The following ZNF628 variants were observed in gnomAD, a reference collection of about 807,000 sequenced individuals.
ZNF628 encodes the protein zinc finger protein 628.
Under a neutral mutation model 2.5 loss-of-function variants are expected in ZNF628, and 3 were observed. The ratio of observed to expected loss-of-function variants is 1.19; its 90% confidence interval spans 0.54 to 3.07. The LOEUF (loss-of-function observed/expected upper bound fraction) is 3.07. ZNF628 is among the 30% of genes most tolerant of loss of function. The pLI, the probability that ZNF628 is intolerant of heterozygous loss-of-function variation, is 0.03. For missense variants in ZNF628, 1,610 were observed against 1,517.1 expected, an observed-to-expected ratio of 1.06 and a Z score of -1.02; for synonymous variants, 861 against 717.1, an observed-to-expected ratio of 1.20 and a Z score of -3.21.
chr19:55,481,428 C>G lies in ZNF628; in HGVS notation c.235C>G (p.Leu79Val), dbSNP rs1273558721. ...CAAGGCTTTCAAAGGCTCCTCGGCC[C>G]TGCTCTACCACCAGCGAGGCCACAC... is the stretch of plus-strand genomic sequence containing the variant. ...CPKAFKGSSALLYHQRGHTGE... is the reference protein window; with the variant it reads ...CPKAFKGSSAVLYHQRGHTGE... Residue 79 changes from leucine (L) to valine (V), a missense_variant, in exon 3 of 3, where the codon CTG (leucine) becomes GTG (valine). Coordinates refer to ENST00000598519, the MANE Select transcript of ZNF628 (RefSeq NM_033113.3). 1 of 1,612,830 alleles carries G rather than the reference C, an allele frequency of 6.2e-7. No homozygotes were observed. The highest frequency in any genetic ancestry group is 8.5e-7 in the Non-Finnish European group (1 of 1,179,658).
chr19:55,478,897 G>A (rs773327543), intron 1 of ZNF628, among the ~76,000 whole-genome samples: 1 of 152,216 alleles, frequency 6.6e-6, no homozygotes, highest in East Asian at 1.9e-4. Flanking sequence ...AGTTGGGGGC[G>A]AGGAGCAGAA....
Position 55,483,243 on chromosome 19 carries a change from C to A in ZNF628, c.2050C>A (p.Leu684Ile), listed in dbSNP as rs1353028747. ...ATQDVHVLPH[L>I]QATLSLEVAG... ...CCAAGATGTCCACGTCCTGCCCCAC[C>A]TCCAGGCCACGCTCTCCCTCGAGGT... Residue 684 changes from leucine to isoleucine, a missense_variant, in exon 3 of 3, where the codon CTC (leucine) becomes ATC (isoleucine). Leu to Ile is a conservative substitution (Grantham distance 5). Transcript: ENST00000598519. 6.5e-7 allele frequency: 1 copy of A among 1,534,806 alleles called. No individual in the cohort carries two copies. The highest frequency in any genetic ancestry group is 2.4e-5 in the East Asian group (1 of 40,964).
Position 55,476,812 on chromosome 19 carries a change from G to A in ZNF628, c.-78+5G>A, listed in dbSNP as rs941091336. 6.9e-6 allele frequency: 1 copy of A among 145,784 alleles called. No homozygotes were observed. Among genetic ancestry groups the A allele is most frequent in the Non-Finnish European group, 1.5e-5 (1 of 65,986 alleles). 9.0% of individuals were successfully genotyped at this position (145,784 alleles called of 1,614,324 possible). A position where few individuals can be genotyped will look rare whatever the true frequency, so the allele number is the denominator to read the frequency against. The stretch of plus-strand genomic sequence containing the variant: ...TTCCCCCGATTGGGGCCGCAGGTGA[G>A]AGACCGGAGGGGGTGGGGGTGGGGG... On this transcript the variant is annotated splice_donor_5th_base_variant and intron_variant, in intron 1 of 2. Transcript: ENST00000598519.
chr19:55,484,106 A>G lies in ZNF628; in HGVS notation c.2913A>G (p.Gly971=). ...AGCCGCCTGCCACCGGCCCACCCGG[A>G]CAGAAACTCCTCATCATCCGCAGCG... ...LTEPPATGPP[G]QKLLIIRSAP... is the part of the protein sequence containing the mutation. The change falls in exon 3 of 3, where the codon GGA becomes GGG. Residue 971 remains glycine (G), a synonymous_variant. Transcript: ENST00000598519. The G allele has an allele frequency of 6.3e-7, 1 of 1,593,324 alleles. No individual in the cohort carries two copies.
In ZNF628 at chr19:55,483,820, A is replaced by G. The variant is rs1177891591; in HGVS notation, c.2627A>G (p.Asn876Ser). The G allele has an allele frequency of 1.2e-6, 2 of 1,613,546 alleles. No homozygotes were observed. The highest frequency in any genetic ancestry group is 1.6e-4 in the Middle Eastern group (1 of 6,062). The change falls in exon 3 of 3, where the codon AAT (asparagine) becomes AGT (serine). Residue 876 changes from asparagine to serine, a missense_variant. Physicochemically the swap from Asn to Ser is conservative, Grantham distance 46 (BLOSUM62 1). This residue lies in a region of ZNF628 where 712 missense variants were observed against 603.6 expected (regional missense o/e 1.18). Transcript: ENST00000598519. ...QLQPVAGQLS[N>S]SSGGAVATEA... ...CAGCCCGTGGCCGGCCAGCTCTCCA[A>G]TTCCAGTGGGGGAGCTGTGGCTACT...
In ZNF628 at chr19:55,479,886, G is replaced by A. The variant is rs1041780211; in HGVS notation, c.-25G>A. 2.5e-6 allele frequency: 1 copy of A among 401,542 alleles called. No homozygotes were observed. Among genetic ancestry groups the A allele is most frequent in the Non-Finnish European group, 4.4e-6 (1 of 227,474 alleles). The allele number at this position is 401,542 out of a possible 1,614,324, so 24.9% of individuals were successfully genotyped here. On this transcript the variant is annotated 5_prime_UTR_variant, in exon 2 of 3. Coordinates refer to ENST00000598519, the MANE Select transcript of ZNF628 (RefSeq NM_033113.3). This position sits in a 1 kb window ranked among gnomAD's most constrained non-coding sequence, Gnocchi z 5.1. ...CCAAGAACAGGAGGGGAGAGGAGGG[G>A]CTGGAGGTTTCAGGAGAAAGAAGCA... is the stretch of plus-strand genomic sequence containing the variant.
In ZNF628 at chr19:55,481,255, C is replaced by T. The variant is rs897928581; in HGVS notation, c.62C>T (p.Ala21Val). 3.8e-6 allele frequency: 6 copies of T among 1,583,422 alleles called. No homozygotes were observed. Among genetic ancestry groups the T allele is most frequent in the South Asian group, 1.1e-5 (1 of 88,032 alleles). The change falls in exon 3 of 3, where the codon GCC (alanine) becomes GTC (valine). Residue 21 changes from alanine to valine, a missense_variant. Coordinates refer to ENST00000598519, the MANE Select transcript of ZNF628 (RefSeq NM_033113.3). ...DMAPASTAEG[A>V]GEKPGPAAPA... ...GCGCCGGCCTCTACTGCGGAGGGGG[C>T]CGGGGAGAAGCCAGGCCCTGCGGCC...
intron 2 of ZNF628, 102 bp downstream of exon 2, chr19:55,480,019 A>T: frequency 2.5e-6 from 1 of 397,152 alleles, no homozygotes; most frequent in African/African-American, 2.1e-5. Flanking sequence ...GGAAAGTGAG[A>T]CTGAGGCCAG....
chr19:55,484,202 A>G lies in ZNF628; in HGVS notation c.3009A>G (p.Pro1003=). 1.3e-6 allele frequency: 2 copies of G among 1,544,344 alleles called. No homozygotes were observed. Among genetic ancestry groups the G allele is most frequent in the African/African-American group, 2.7e-5 (2 of 72,856 alleles). The change falls in exon 3 of 3, where the codon CCA becomes CCG. Residue 1003 remains proline, a synonymous_variant. Coordinates refer to ENST00000598519, the MANE Select transcript of ZNF628 (RefSeq NM_033113.3). ...GGTATLQLLA[P]PPSGPASGPA... ...CCGCCACGCTGCAGCTCCTGGCCCC[A>G]CCGCCGTCAGGCCCAGCCTCGGGCC...
rs571273606 is a variant in ZNF628, at chr19:55,481,814, G to C, written c.621G>C (p.Pro207=). 3.4e-4 allele frequency: 545 copies of C among 1,599,470 alleles called. 1 individual carries two copies. The African/African-American group carries it at 5.4e-3, about 16-fold the overall frequency. ...CGGGCGAGCGGCCCTTCCGCTGCCC[G>C]CTCTGCCCCAAGACCTTCACCCACT... ...VHTGERPFRC[P]LCPKTFTHSS... The change falls in exon 3 of 3, where the codon CCG becomes CCC. Residue 207 remains proline, a synonymous_variant. Coordinates refer to ENST00000598519, the MANE Select transcript of ZNF628 (RefSeq NM_033113.3).
intron 1 of ZNF628, among the ~76,000 whole-genome samples, chr19:55,477,701 G>T (rs1191271864): frequency 6.6e-6 from 1 of 151,808 alleles, no homozygotes; most frequent in Non-Finnish European, 1.5e-5. Flanking sequence ...GGCGAAGGTT[G>T]CAGTGAGCCG....
Position 55,482,258 on chromosome 19 carries a change from CT to C in ZNF628, c.1068del (p.Phe356LeufsTer71). ...CTCCCGCCGCCGCCCCCGCGCCTGG[CT>C]TTGCCTGTCTGCCCTGCGGCAAGTC... Reference protein sequence around the residue: ...PPPAAAPAPGFACLPCGKSFR... With the variant: ...PPPAAAPAPGXACLPCGKSFR... On this transcript the variant is annotated frameshift_variant, in exon 3 of 3. Coordinates refer to ENST00000598519, the MANE Select transcript of ZNF628 (RefSeq NM_033113.3). LOFTEE classifies it low-confidence loss of function (END_TRUNC). The C allele has an allele frequency of 6.8e-7, 1 of 1,463,868 alleles. No individual in the cohort carries two copies. Among genetic ancestry groups the C allele is most frequent in the Admixed American group, 2.5e-5 (1 of 40,490 alleles). 90.7% of individuals were successfully genotyped at this position (1,463,868 alleles called of 1,614,324 possible).
chr19:55,484,056 G>A lies in ZNF628; in HGVS notation c.2863G>A (p.Glu955Lys), dbSNP rs1277875059. 6.3e-7 allele frequency: 1 copy of A among 1,594,324 alleles called. No homozygotes were observed. The highest frequency in any genetic ancestry group is 1.7e-5 in the Admixed American group (1 of 57,674). Reference protein sequence around the residue: ...EQTRLCVQEVETLPPGLTEPP... With the variant: ...EQTRLCVQEVKTLPPGLTEPP... ...GACTCGACTCTGCGTACAGGAGGTA[G>A]AAACACTTCCTCCTGGGCTGACGGA... The change falls in exon 3 of 3, where the codon GAA becomes AAA. Residue 955 changes from glutamate to lysine, a missense_variant. Physicochemically the swap from Glu to Lys is moderately conservative, Grantham distance 56. This residue lies in a region of ZNF628 where 712 missense variants were observed against 603.6 expected (regional missense o/e 1.18). Coordinates refer to ENST00000598519, the MANE Select transcript of ZNF628 (RefSeq NM_033113.3).
Position 55,484,035 on chromosome 19 carries a change from C to G in ZNF628, c.2842C>G (p.Arg948Gly). The G allele has an allele frequency of 6.3e-7, 1 of 1,595,490 alleles. No individual in the cohort carries two copies. The highest frequency in any genetic ancestry group is 8.5e-7 in the Non-Finnish European group (1 of 1,171,496). Residue 948 changes from arginine (R) to glycine (G), a missense_variant, in exon 3 of 3, where the codon CGA becomes GGA. Arg to Gly is a moderately radical substitution (Grantham distance 125). This residue lies in a region of ZNF628 where 712 missense variants were observed against 603.6 expected (regional missense o/e 1.18). Transcript: ENST00000598519. Reference sequence around the variant, plus strand: ...GAGCGGGGCCGATGGCGAACAGACTCGACTCTGCGTACAGGAGGTAGAAAC... The same window carrying G: ...GAGCGGGGCCGATGGCGAACAGACTGGACTCTGCGTACAGGAGGTAGAAAC... ...VLSGADGEQT[R>G]LCVQEVETLP...
rs1405106848 is a variant in ZNF628 at position 55,482,897 on chromosome 19, C to T, written c.1704C>T (p.Cys568=). 3.7e-6 allele frequency: 6 copies of T among 1,607,200 alleles called. No homozygotes were observed. The highest frequency in any genetic ancestry group is 5.1e-6 in the Non-Finnish European group (6 of 1,177,356). ...ACACTGGCGAGAGGCCCCACGCCTG[C>T]GGTGTCTGCGGCAAGAGCTTCGCGC... ...HVHTGERPHA[C]GVCGKSFAQT... is the part of the protein sequence containing the mutation. The change falls in exon 3 of 3, where the codon TGC becomes TGT. Residue 568 remains cysteine (C), a synonymous_variant. Coordinates refer to ENST00000598519, the MANE Select transcript of ZNF628 (RefSeq NM_033113.3).
rs1195227496 is a variant in ZNF628 at position 55,483,081 on chromosome 19, G to A, written c.1888G>A (p.Gly630Ser). ...RPFTCPICGRGFVMAAYLQRH... is the reference protein window; with the variant it reads ...RPFTCPICGRSFVMAAYLQRH... ...CTTCACCTGCCCCATCTGCGGTCGC[G>A]GCTTCGTTATGGCCGCCTATCTGCA... The change falls in exon 3 of 3, where the codon GGC becomes AGC. Residue 630 changes from glycine to serine, a missense_variant. By Grantham distance (56) the Gly-to-Ser change is moderately conservative (BLOSUM62 0). Around this residue, in one of 5 missense-constraint regions of ZNF628, gnomAD observed 712 missense variants for 603.6 expected, o/e 1.18. Coordinates refer to ENST00000598519, the MANE Select transcript of ZNF628 (RefSeq NM_033113.3). 3.7e-6 allele frequency: 6 copies of A among 1,608,580 alleles called. No individual in the cohort carries two copies. In the African/African-American group the frequency reaches 4.0e-5, roughly 11 times the overall value.
In ZNF628 at chr19:55,483,603, A is replaced by C; in HGVS notation, c.2410A>C (p.Asn804His). The change falls in exon 3 of 3, where the codon AAT (asparagine) becomes CAT (histidine). Residue 804 changes from asparagine (N) to histidine (H), a missense_variant. Around this residue, in one of 5 missense-constraint regions of ZNF628, gnomAD observed 712 missense variants for 603.6 expected, o/e 1.18. Coordinates refer to ENST00000598519, the MANE Select transcript of ZNF628 (RefSeq NM_033113.3). ...GTGQSLIVLQNVGGGEAGPQE... is the reference protein window; with the variant it reads ...GTGQSLIVLQHVGGGEAGPQE... ...AGGGCAGAGCCTCATCGTTCTGCAG[A>C]ATGTGGGGGGTGGGGAGGCAGGGCC... 1 of 1,613,040 alleles carries C rather than the reference A, an allele frequency of 6.2e-7. No individual in the cohort carries two copies. Among genetic ancestry groups the C allele is most frequent in the South Asian group, 1.1e-5 (1 of 91,052 alleles).
At position 55,477,375 on chromosome 19, in the gene ZNF628, T is replaced by C. The variant is rs978105685; in HGVS notation, c.-78+568T>C. ...TTTGTTTTTTTTTTTTTTTTTTTTT[T>C]CTGGAGACGGAGTCTTGCTCCGTTG... is the stretch of plus-strand genomic sequence containing the variant. On this transcript the variant is annotated intron_variant, in intron 1 of 2. Coordinates refer to ENST00000598519, the MANE Select transcript of ZNF628 (RefSeq NM_033113.3). 2.0e-3 allele frequency among the ~76,000 whole-genome samples: 290 copies of C among 145,144 alleles called. 2 individuals are homozygous for C. The highest frequency in any genetic ancestry group is 7.1e-3 in the African/African-American group (276 of 39,050).
rs773054424 is a variant in ZNF628, at chr19:55,483,060, A to G, written c.1867A>G (p.Thr623Ala). 1 of 1,610,168 alleles carries G rather than the reference A, an allele frequency of 6.2e-7. No homozygotes were observed. Among genetic ancestry groups the G allele is most frequent in the Non-Finnish European group, 8.5e-7 (1 of 1,179,338 alleles). ...QRTHSAERPF[T>A]CPICGRGFVM... is the part of the protein sequence containing the mutation. ...CACGCACTCGGCGGAGCGCCCCTTC[A>G]CCTGCCCCATCTGCGGTCGCGGCTT... The change falls in exon 3 of 3, where the codon ACC becomes GCC. Residue 623 changes from threonine to alanine, a missense_variant. This residue lies in a region of ZNF628 where 712 missense variants were observed against 603.6 expected (regional missense o/e 1.18). Transcript: ENST00000598519.
Sources: allele counts gnomAD v4.1 joint callset (sites outside exome capture counted in the v4.1 genomes callset), GRCh38; gene constraint gnomAD v4.1.1; regional missense constraint gnomAD v4.1.1; non-coding constraint Gnocchi (gnomAD v3.1); transcripts MANE v1.5; gene names NCBI Gene and HGNC (gene_info 2026-07-23, HGNC 2026-07-21).